The following DOCK8 variants were observed in gnomAD, a reference collection of about 807,000 sequenced individuals.
DOCK8 encodes the protein dedicator of cytokinesis 8, also known as dedicator of cytokinesis protein 8.
DOCK8 carries 141 observed loss-of-function variants against 245.6 expected under a neutral mutation model. That is an observed-to-expected ratio of 0.57 (90% CI 0.50 to 0.66). DOCK8 has a LOEUF of 0.66. Ranked by LOEUF, DOCK8 falls within the 30% of genes least tolerant of loss-of-function variation. The pLI is 0.00. For synonymous variants in DOCK8, 1,168 were observed against 970.2 expected, an observed-to-expected ratio of 1.20 and a Z score of -3.79; for missense variants, 2,965 against 2,603.4, an observed-to-expected ratio of 1.14 and a Z score of -3.02.
At chr9:329,728 A>G (rs1481821976) in intron 9 of DOCK8, among the ~76,000 whole-genome samples, 3 of 152,176 alleles carry the variant, frequency 2.0e-5, no homozygotes, top group Non-Finnish European at 2.9e-5. Flanking sequence ...TTTTATCTCA[A>G]ACTCTACTTC....
At chr9:216,537 C>CA (rs59529982) in intron 1 of DOCK8, among the ~76,000 whole-genome samples, 1,362 of 88,910 alleles carry the variant, frequency 0.015, 25 homozygotes, top group Admixed American at 0.029. Context: ...AAAAAACAGA[C>CA]AAAAAAAAAA....
At chr9:214,679 G>T (rs117856897), upstream of DOCK8, 1 of 1,585,826 alleles carries the variant, frequency 6.3e-7, no homozygotes. Context: ...GCGGCCCCGG[G>T]CAGAGCGCGC....
At chr9:324,602 C>T (rs1378563232) in intron 7 of DOCK8, among the ~76,000 whole-genome samples, 1 of 152,152 alleles carries the variant, frequency 6.6e-6, no homozygotes, top group Non-Finnish European at 1.5e-5. Context: ...TCATGGGGCC[C>T]AGGCACCTCA....
At chr9:418,332 C>T (rs373592950) in intron 30 of DOCK8, 125 bp downstream of exon 30, 69 of 1,318,454 alleles carry the variant, frequency 5.2e-5, no homozygotes, top group Middle Eastern at 5.1e-4. Context: ...AGTGCAGTGG[C>T]GCAATCTCAG....
intron 2 of DOCK8, chr9:273,040 G>A (rs915441304): frequency 4.1e-6 from 4 of 985,100 alleles, no homozygotes; most frequent in African/African-American, 1.7e-5. Flanking sequence ...TCAGTTTCCG[G>A]TAACCGCCAT....
chr9:333,413 A>C (rs984865740), intron 10 of DOCK8, among the ~76,000 whole-genome samples: 3 of 152,168 alleles, frequency 2.0e-5, no homozygotes, highest in Non-Finnish European at 4.4e-5. Context: ...CATCCTGGCC[A>C]ACACGGTGAA....
intron 14 of DOCK8, chr9:365,574 C>G: frequency 4.7e-6 from 2 of 424,158 alleles, no homozygotes; most frequent in Non-Finnish European, 9.3e-6. Flanking sequence ...TCAGAGAAGG[C>G]TTTTTTTTTT....
intron 9 of DOCK8, among the ~76,000 whole-genome samples, chr9:328,861 T>G (rs1263981676): frequency 6.6e-6 from 1 of 151,602 alleles, no homozygotes; most frequent in East Asian, 1.9e-4. Flanking sequence ...CCTTTCTCTG[T>G]ACACCAAAAT....
At chr9:401,609 G>A (rs542207680) in intron 26 of DOCK8, among the ~76,000 whole-genome samples, 1 of 152,212 alleles carries the variant, frequency 6.6e-6, no homozygotes, top group Admixed American at 6.5e-5. Flanking sequence ...GCTTATATGA[G>A]CTATTTTTGT....
At chr9:463,111 G>T (rs7856093) in intron 46 of DOCK8, among the ~76,000 whole-genome samples, 26,326 of 152,018 alleles carry the variant, frequency 0.17, 2,773 homozygotes, top group East Asian at 0.43. Context: ...ACATTTCTGG[G>T]CCAGAAGCAA....
At chr9:308,254 A>G (rs1162113047) in intron 5 of DOCK8, among the ~76,000 whole-genome samples, 1 of 152,248 alleles carries the variant, frequency 6.6e-6, no homozygotes, top group Non-Finnish European at 1.5e-5. Flanking sequence ...TGGGTACACT[A>G]ATTACCCTGA....
chr9:230,976 C>A lies in DOCK8; in HGVS notation c.53+15947C>A, dbSNP rs1225732519. Reference sequence around the variant, plus strand: ...GTGTTTTAGACATGAAGTCCTTGCCCATGCCTATGTCCTGAATGGTATTGC... The same window carrying A: ...GTGTTTTAGACATGAAGTCCTTGCCAATGCCTATGTCCTGAATGGTATTGC... On this transcript the variant is annotated intron_variant, in intron 1 of 47. Coordinates refer to ENST00000432829, the MANE Select transcript of DOCK8 (RefSeq NM_203447.4). 4.6e-5 allele frequency among the ~76,000 whole-genome samples: 7 copies of A among 151,882 alleles called. No homozygotes were observed. The East Asian group carries it at 1.2e-3, about 25-fold the overall frequency.
intron 1 of DOCK8, among the ~76,000 whole-genome samples, chr9:258,756 C>T (rs957695081): frequency 6.6e-6 from 1 of 151,834 alleles, no homozygotes; most frequent in Non-Finnish European, 1.5e-5. Flanking sequence ...TGCCACCATG[C>T]CCGGATAATT....
chr9:313,835 A>G (rs2050231342), intron 6 of DOCK8, among the ~76,000 whole-genome samples: 1 of 152,268 alleles, frequency 6.6e-6, no homozygotes, highest in African/African-American at 2.4e-5. Context: ...TCTACAATGT[A>G]TGCATAGATC....
In DOCK8 at chr9:447,543, C is replaced by T. The variant is rs569254526; in HGVS notation, c.5817+937C>T. Among the ~76,000 whole-genome samples the T allele has an allele frequency of 8.5e-5, 13 of 152,230 alleles. No homozygotes were observed. In the South Asian group the frequency reaches 2.7e-3, roughly 32 times the overall value. The stretch of plus-strand genomic sequence containing the variant: ...GAGACTTTGACAGCAGTCTTGTGCA[C>T]ACCTAATATGACAGGAATTTTTATA... On this transcript the variant is annotated intron_variant, in intron 44 of 47. Coordinates refer to ENST00000432829, the MANE Select transcript of DOCK8 (RefSeq NM_203447.4).
chr9:420,599 C>T lies in DOCK8; in HGVS notation c.4023+16C>T, dbSNP rs780556313. 6.2e-6 allele frequency: 10 copies of T among 1,613,904 alleles called. No individual in the cohort carries two copies. In the East Asian group the frequency reaches 2.2e-4, roughly 36 times the overall value. ...TGAGTATAAGGTAAGTCTGGAGTGG[C>T]ACAACTTTATACCAGCTCTTATCTC... On this transcript the variant is annotated intron_variant, in intron 31 of 47. Coordinates refer to ENST00000432829, the MANE Select transcript of DOCK8 (RefSeq NM_203447.4).
intron 16 of DOCK8, among the ~76,000 whole-genome samples, chr9:370,548 T>A (rs2053239525): frequency 6.6e-6 from 1 of 152,186 alleles, no homozygotes; most frequent in Non-Finnish European, 1.5e-5. Context: ...TCTATTCTAG[T>A]ATGATGCAAA....
At chr9:461,436 G>A (rs2057802456) in intron 46 of DOCK8, among the ~76,000 whole-genome samples, 1 of 148,788 alleles carries the variant, frequency 6.7e-6, no homozygotes, top group South Asian at 2.1e-4. Flanking sequence ...TGATTTCCTT[G>A]GATCTGTCAT....
chr9:390,672 G>A (rs188908196), intron 24 of DOCK8, 106 bp downstream of exon 24: 2 of 1,093,800 alleles, frequency 1.8e-6, no homozygotes, highest in South Asian at 1.3e-5. Context: ...GAAAACCTGG[G>A]GTGGTTTCTT....
Sources: gnomAD v4.1 joint callset for allele counts (sites outside exome capture counted in the v4.1 genomes callset) on GRCh38, gnomAD v4.1.1 for gene constraint, MANE v1.5 for transcripts, NCBI Gene and HGNC (gene_info 2026-07-23, HGNC 2026-07-21) for gene names.